Variants in DMXL2 observed in about 807,000 individuals in gnomAD.
DMXL2 encodes the protein dmX-like protein 2.
A neutral mutation model predicts 331.1 loss-of-function variants in DMXL2; 103 were observed. That is an observed-to-expected ratio of 0.31 (90% CI 0.27 to 0.37). DMXL2 has a LOEUF of 0.37. Among genes scored for constraint, DMXL2 ranks in the 10% least tolerant of loss-of-function variants. The pLI is 1.00. For synonymous variants in DMXL2, 1,281 were observed against 1,252.1 expected (o/e 1.02, Z -0.49); for missense variants, 3,171 against 3,642.9 (o/e 0.87, Z 3.33).
At position 51,488,058 on chromosome 15, in the gene DMXL2, G is replaced by C; in HGVS notation, c.5113C>G (p.Arg1705Gly). Residue 1705 changes from arginine to glycine, a missense_variant, in exon 22 of 44, where the codon CGA (arginine) becomes GGA (glycine). Coordinates refer to ENST00000560891, the MANE Select transcript of DMXL2 (RefSeq NM_001378457.1). ...AAAGCATTTTTCAAAGCAGCTTTTC[G>C]CCATCTATCTTCATTAAAGTTGTGG... ...FSHNFNEDRW[R>G]KAALKNAFSL... 1 of 1,613,078 alleles carries C rather than the reference G, an allele frequency of 6.2e-7. No individual in the cohort carries two copies. The highest frequency in any genetic ancestry group is 8.5e-7 in the Non-Finnish European group (1 of 1,179,640).
chr15:51,607,233 G>T (rs2053651290), intron 1 of DMXL2, among the ~76,000 whole-genome samples: 1 of 151,834 alleles, frequency 6.6e-6, no homozygotes, highest in African/African-American at 2.4e-5. Flanking sequence ...GAGGCAGGCG[G>T]ATCACAAGGT....
chr15:51,599,393 A>C (rs2053065060), intron 1 of DMXL2, among the ~76,000 whole-genome samples: 1 of 152,156 alleles, frequency 6.6e-6, no homozygotes, highest in African/African-American at 2.4e-5. Flanking sequence ...TAGGAAAACA[A>C]ATGTGTGTGT....
Position 51,451,659 on chromosome 15 carries a change from T to C in DMXL2, c.8735A>G (p.Asn2912Ser). 2 of 1,612,916 alleles carry C rather than the reference T, an allele frequency of 1.2e-6. No homozygotes were observed. The highest frequency in any genetic ancestry group is 1.7e-6 in the Non-Finnish European group (2 of 1,179,286). ...CCTTAACTCACCATGAATGAGGCTG[T>C]TTCCGGGTGATATTAATGTGTCCCA... ...CLWDTLISPG[N>S]SLIHGFTCHD... Residue 2912 changes from asparagine to serine, a missense_variant, in exon 42 of 44, where the codon AAC (asparagine) becomes AGC (serine). This residue lies in a region of DMXL2 where 766 missense variants were observed against 940.5 expected (regional missense o/e 0.81). Coordinates refer to ENST00000560891, the MANE Select transcript of DMXL2 (RefSeq NM_001378457.1).
In DMXL2 at chr15:51,463,383, C is replaced by CT; in HGVS notation, c.7921dup (p.Ser2641LysfsTer2). Reference sequence around the variant, plus strand: ...AAAATATTTTTCTCAAAATACCTCACTCTGCTTTCTTTTCTTAGTGAAAAT... The same window carrying CT: ...AAAATATTTTTCTCAAAATACCTCACTTCTGCTTTCTTTTCTTAGTGAAAAT... On this transcript the variant is annotated frameshift_variant, in exon 33 of 44. Transcript: ENST00000560891. LOFTEE classifies it high-confidence loss of function. The CT allele has an allele frequency of 6.6e-7, 1 of 1,516,288 alleles. No individual in the cohort carries two copies. The highest frequency in any genetic ancestry group is 9.0e-7 in the Non-Finnish European group (1 of 1,106,128). The allele number at this position is 1,516,288 out of a possible 1,614,324, so 93.9% of individuals were successfully genotyped here.
rs772174703 is a variant in DMXL2 at position 51,622,628 on chromosome 15, C to T, written c.-83G>A. The T allele has an allele frequency of 7.5e-6, 11 of 1,470,068 alleles. No homozygotes were observed. The highest frequency in any genetic ancestry group is 7.3e-5 in the Admixed American group (3 of 40,860). The allele number at this position is 1,470,068 out of a possible 1,614,324, so 91.1% of individuals were successfully genotyped here. On this transcript the variant is annotated 5_prime_UTR_variant, in exon 1 of 44. Coordinates refer to ENST00000560891, the MANE Select transcript of DMXL2 (RefSeq NM_001378457.1). ...CCTCCTCGGGCTGCGAGAGCCGTTTCCCTCTGTGCCTCCCTCGGAAACCCG... is the reference window on the plus strand; with the variant it reads ...CCTCCTCGGGCTGCGAGAGCCGTTTTCCTCTGTGCCTCCCTCGGAAACCCG...
Position 51,447,801 on chromosome 15 carries a change from AACATT to A in DMXL2, c.*1178_*1182del, listed in dbSNP as rs2038810984. On this transcript the variant is annotated 3_prime_UTR_variant, in exon 44 of 44. Coordinates refer to ENST00000560891, the MANE Select transcript of DMXL2 (RefSeq NM_001378457.1). The stretch of plus-strand genomic sequence containing the variant: ...TATCAAACTAAAAACTCTAACAAAT[AACATT>A]TATTTTTCTTTTACATATATATTTC... 6.6e-6 allele frequency: 1 copy of A among 152,652 alleles called. No individual in the cohort carries two copies. Among genetic ancestry groups the A allele is most frequent in the Non-Finnish European group, 1.5e-5 (1 of 68,034 alleles). 9.5% of individuals were successfully genotyped at this position (152,652 alleles called of 1,614,324 possible).
intron 1 of DMXL2, among the ~76,000 whole-genome samples, chr15:51,589,420 C>T (rs2052118086): frequency 6.6e-6 from 1 of 152,154 alleles, no homozygotes; most frequent in African/African-American, 2.4e-5. Flanking sequence ...TATTGTGTAT[C>T]TTAAAATAAA....
rs1453385519 is a variant in DMXL2, at chr15:51,536,805, T to A, written c.1675A>T (p.Ser559Cys). 6.2e-7 allele frequency: 1 copy of A among 1,613,562 alleles called. No individual in the cohort carries two copies. The highest frequency in any genetic ancestry group is 1.7e-5 in the Admixed American group (1 of 59,904). ...CAGGCATACATCATGATATTTTTAC[T>A]AAGAGAGCTTGCATCACCAGAGGGA... ...AFPSGDASSL[S>C]KNIMMYACIN... Residue 559 changes from serine (S) to cysteine (C), a missense_variant, in exon 12 of 44, where the codon AGT (serine) becomes TGT (cysteine). Physicochemically the swap from Ser to Cys is moderately radical, Grantham distance 112. Coordinates refer to ENST00000560891, the MANE Select transcript of DMXL2 (RefSeq NM_001378457.1).
chr15:51,600,008 C>T (rs543190108), intron 1 of DMXL2, among the ~76,000 whole-genome samples: 2 of 152,284 alleles, frequency 1.3e-5, no homozygotes, highest in East Asian at 3.9e-4. Context: ...TGCCTTCCCA[C>T]TTTCTACACT....
intron 16 of DMXL2, among the ~76,000 whole-genome samples, chr15:51,504,030 A>G (rs900397091): frequency 6.6e-6 from 1 of 152,242 alleles, no homozygotes; most frequent in African/African-American, 2.4e-5. Context: ...AACCCCTTAT[A>G]CAGTCCAGTG....
intron 3 of DMXL2, 42 bp from the exon 4 acceptor site, chr15:51,565,208 A>G (rs2050194554): frequency 2.2e-6 from 3 of 1,351,896 alleles, no homozygotes; most frequent in African/African-American, 1.5e-5. Context: ...AAAGAAAAAG[A>G]TGTTTTTCAA....
intron 1 of DMXL2, among the ~76,000 whole-genome samples, chr15:51,601,403 G>C (rs190380104): frequency 2.7e-5 from 4 of 150,758 alleles, no homozygotes; most frequent in Admixed American, 2.7e-4. Context: ...AATATGTATT[G>C]TTCTGTCTTG....
chr15:51,491,726 G>A lies in DMXL2; in HGVS notation c.4805C>T (p.Ala1602Val). ...TTCAGCCTCAGAATGAAAAGCCCAG[G>A]CAAAATGGCATGTAGAGACACCTAA... is the stretch of plus-strand genomic sequence containing the variant. ...LHQGVSTCHFAWAFHSEAEEE... is the reference protein window; with the variant it reads ...LHQGVSTCHFVWAFHSEAEEE... The change falls in exon 20 of 44, where the codon GCC (alanine) becomes GTC (valine). Residue 1602 changes from alanine (A) to valine (V), a missense_variant. Ala to Val is a moderately conservative substitution (Grantham distance 64, BLOSUM62 0). Transcript: ENST00000560891. 6.2e-7 allele frequency: 1 copy of A among 1,607,478 alleles called. No homozygotes were observed. The highest frequency in any genetic ancestry group is 2.2e-5 in the East Asian group (1 of 44,748).
intron 17 of DMXL2, among the ~76,000 whole-genome samples, chr15:51,501,177 A>G (rs1308124137): frequency 6.6e-6 from 1 of 152,232 alleles, no homozygotes; most frequent in East Asian, 1.9e-4. Context: ...CACTCTTCTC[A>G]ATATGATCTT....
chr15:51,580,034 T>G (rs963205052), intron 1 of DMXL2, among the ~76,000 whole-genome samples: 1 of 152,194 alleles, frequency 6.6e-6, no homozygotes, highest in African/African-American at 2.4e-5. Flanking sequence ...CTACCTCTAT[T>G]CCATGAAGAT....
In DMXL2 at chr15:51,536,394, C is replaced by T. The variant is rs767094832; in HGVS notation, c.2086G>A (p.Val696Ile). The T allele has an allele frequency of 1.2e-6, 2 of 1,613,646 alleles. No homozygotes were observed. The highest frequency in any genetic ancestry group is 2.2e-5 in the South Asian group (2 of 91,004). ...TTCGAGGAACCTTTTATATGTTTTA[C>T]AGGGTCCATTAATCTACTTAATTTA... ...DNKLSRLMDP[V>I]KHIKGSSKQP... Residue 696 changes from valine to isoleucine, a missense_variant, in exon 12 of 44, where the codon GTA becomes ATA. Coordinates refer to ENST00000560891, the MANE Select transcript of DMXL2 (RefSeq NM_001378457.1).
At chr15:51,476,259 G>C (rs1316534945) in intron 27 of DMXL2, among the ~76,000 whole-genome samples, 1 of 152,054 alleles carries the variant, frequency 6.6e-6, no homozygotes, top group East Asian at 1.9e-4. Flanking sequence ...TCTATGGTAT[G>C]TCTGTGAAAA....
chr15:51,598,996 T>G (rs947799036), intron 1 of DMXL2, among the ~76,000 whole-genome samples: 2 of 152,242 alleles, frequency 1.3e-5, no homozygotes, highest in African/African-American at 2.4e-5. Flanking sequence ...ATTTGTCAGT[T>G]TCCCTCTGTA....
At chr15:51,491,025 T>C (rs1287922698) in intron 20 of DMXL2, among the ~76,000 whole-genome samples, 1 of 152,198 alleles carries the variant, frequency 6.6e-6, no homozygotes, top group Non-Finnish European at 1.5e-5. Flanking sequence ...CCTCAACTAA[T>C]AACAGAAAAT....
Sources: allele counts gnomAD v4.1 joint callset (sites outside exome capture counted in the v4.1 genomes callset), GRCh38; gene constraint gnomAD v4.1.1; regional missense constraint gnomAD v4.1.1; transcripts MANE v1.5; gene names NCBI Gene and HGNC (gene_info 2026-07-23, HGNC 2026-07-21).